CAMSAP2: variants seen among roughly 807,000 people sequenced by gnomAD.
CAMSAP2 encodes calmodulin-regulated spectrin-associated protein 2.
Under a neutral mutation model 146.1 loss-of-function variants are expected in CAMSAP2, and 26 were observed. The observed-to-expected ratio is 0.18, with a 90% confidence interval of 0.13 to 0.25. CAMSAP2 has a LOEUF of 0.25. CAMSAP2 is among the 10% of genes least tolerant of loss of function. CAMSAP2 has a pLI of 1.00. For missense variants in CAMSAP2, 1,381 were observed against 1,759.3 expected (o/e 0.78, Z 3.85); for synonymous variants, 499 against 596.6 (o/e 0.84, Z 2.38).
chr1:200,850,388 A>C (rs1667590232), intron 11 of CAMSAP2, among the ~76,000 whole-genome samples, 154 bp downstream of exon 11: 1 of 152,086 alleles, frequency 6.6e-6, no homozygotes, highest in South Asian at 2.1e-4. Context: ...ATTCAAGCAC[A>C]CTGTGGTTTC....
chr1:200,816,305 A>G (rs1386027331), intron 4 of CAMSAP2, among the ~76,000 whole-genome samples: 2 of 146,530 alleles, frequency 1.4e-5, no homozygotes, highest in Non-Finnish European at 3.0e-5. Context: ...AAAAATATAT[A>G]TATAGGGCCA....
intron 7 of CAMSAP2, among the ~76,000 whole-genome samples, chr1:200,842,730 C>T (rs1483718922): frequency 2.0e-5 from 3 of 152,122 alleles, no homozygotes; most frequent in African/African-American, 7.2e-5. Context: ...AATCCTAGCA[C>T]TTTGAGAGGC....
chr1:200,857,674 CATAATT>C lies in CAMSAP2; in HGVS notation c.4132-76_4132-71del. The C allele has an allele frequency of 8.2e-7, 1 of 1,218,526 alleles. No homozygotes were observed. The highest frequency in any genetic ancestry group is 1.1e-6 in the Non-Finnish European group (1 of 874,712). The allele number at this position is 1,218,526 out of a possible 1,614,324, so 75.5% of individuals were successfully genotyped here. ...TATAAAATGTGACTAAGAAACGTAA[CATAATT>C]ATATAAACTTTATTCAGCAAAATAA... On this transcript the variant is annotated intron_variant, in intron 16 of 16. Coordinates refer to ENST00000358823, the MANE Select transcript of CAMSAP2 (RefSeq NM_203459.4). This position sits in a 1 kb window ranked among gnomAD's most constrained non-coding sequence, Gnocchi z 4.7.
intron 1 of CAMSAP2, among the ~76,000 whole-genome samples, chr1:200,742,192 A>T (rs990967496): frequency 6.6e-6 from 1 of 152,198 alleles, no homozygotes; most frequent in Non-Finnish European, 1.5e-5. Flanking sequence ...TTTGCTTATT[A>T]CTCTATACCG....
At chr1:200,766,352 T>A (rs191086082) in intron 2 of CAMSAP2, among the ~76,000 whole-genome samples, 1 of 152,218 alleles carries the variant, frequency 6.6e-6, no homozygotes, top group East Asian at 1.9e-4. Flanking sequence ...GGTCTCCCTA[T>A]GTTGCCCAGG....
chr1:200,790,019 T>TA (rs1292342358), intron 2 of CAMSAP2, among the ~76,000 whole-genome samples: 1 of 152,220 alleles, frequency 6.6e-6, no homozygotes, highest in African/African-American at 2.4e-5. Flanking sequence ...CTTGCTATAA[T>TA]ATGGTGGTAA....
Position 200,849,203 on chromosome 1 carries a change from A to C in CAMSAP2, c.2434A>C (p.Lys812Gln). The stretch of plus-strand genomic sequence containing the variant: ...GGAAGCGGCGGGTGCAGAAGATGAG[A>C]AAGTATATACTGATCGAGCAAAAGA... Reference protein sequence around the residue: ...REEAAGAEDEKVYTDRAKEKE... With the variant: ...REEAAGAEDEQVYTDRAKEKE... The change falls in exon 11 of 17, where the codon AAA (lysine) becomes CAA (glutamine). Residue 812 changes from lysine to glutamine, a missense_variant. Lys to Gln is a moderately conservative substitution (Grantham distance 53, BLOSUM62 1). Transcript: ENST00000358823. The surrounding 1 kb of genome is among the most constrained non-coding windows in gnomAD (Gnocchi z 6.3). 1 of 1,613,774 alleles carries C rather than the reference A, an allele frequency of 6.2e-7. No homozygotes were observed. The highest frequency in any genetic ancestry group is 1.1e-5 in the South Asian group (1 of 91,072).
At chr1:200,825,892 A>G (rs569309553) in intron 4 of CAMSAP2, among the ~76,000 whole-genome samples, 10 of 152,238 alleles carry the variant, frequency 6.6e-5, no homozygotes, top group Admixed American at 2.0e-4. Context: ...TAGGCATTTA[A>G]GTAGTTTCCA....
At chr1:200,782,294 C>T (rs1165677390) in intron 2 of CAMSAP2, among the ~76,000 whole-genome samples, 1 of 152,106 alleles carries the variant, frequency 6.6e-6, no homozygotes, top group Non-Finnish European at 1.5e-5. Context: ...TCAGAACTTA[C>T]TTTTTAAAAA....
At chr1:200,786,191 CTCT>C (rs1665584059) in intron 2 of CAMSAP2, among the ~76,000 whole-genome samples, 1 of 151,970 alleles carries the variant, frequency 6.6e-6, no homozygotes, top group African/African-American at 2.4e-5. Flanking sequence ...TAAAAACCAG[CTCT>C]TTGTTTCAGT....
At chr1:200,837,272 T>A (rs1379592933) in intron 6 of CAMSAP2, among the ~76,000 whole-genome samples, 2 of 152,188 alleles carry the variant, frequency 1.3e-5, no homozygotes, top group African/African-American at 2.4e-5. Context: ...TTTTATATAG[T>A]GTAAGGAAAG....
chr1:200,851,346 A>T (rs537640636), intron 11 of CAMSAP2, among the ~76,000 whole-genome samples: 6 of 152,196 alleles, frequency 3.9e-5, no homozygotes, highest in Non-Finnish European at 1.5e-5. Context: ...TATTACAGGC[A>T]TGCACCACAA....
At chr1:200,777,749 A>G (rs1665321712) in intron 2 of CAMSAP2, among the ~76,000 whole-genome samples, 1 of 152,208 alleles carries the variant, frequency 6.6e-6, no homozygotes, top group Non-Finnish European at 1.5e-5. Context: ...TATATTCTGT[A>G]ATATAATCTA....
intron 4 of CAMSAP2, among the ~76,000 whole-genome samples, chr1:200,829,869 G>C (rs1467860416): frequency 6.6e-6 from 1 of 152,102 alleles, no homozygotes; most frequent in African/African-American, 2.4e-5. Flanking sequence ...CGAGGCTGCA[G>C]TGAGCCATGA....
At position 200,807,489 on chromosome 1, in the gene CAMSAP2, A is replaced by G. The variant is rs1205843710; in HGVS notation, c.513A>G (p.Thr171=). Residue 171 remains threonine, a synonymous_variant, in exon 3 of 17, where the codon ACA becomes ACG. Coordinates refer to ENST00000358823, the MANE Select transcript of CAMSAP2 (RefSeq NM_203459.4). ...AQQYSAFFQA[T]DLPYDIEDAV... ...AGTATTCAGCTTTTTTTCAAGCCAC[A>G]GATCTGCCCTATGATATTGAGGACG... 6.2e-7 allele frequency: 1 copy of G among 1,612,590 alleles called. No individual in the cohort carries two copies. Among genetic ancestry groups the G allele is most frequent in the African/African-American group, 1.3e-5 (1 of 74,854 alleles).
At chr1:200,803,231 T>G (rs945461632) in intron 2 of CAMSAP2, among the ~76,000 whole-genome samples, 15 of 152,224 alleles carry the variant, frequency 9.9e-5, no homozygotes, top group African/African-American at 3.4e-4. Flanking sequence ...CACTGCCTCC[T>G]TGCTGTGTAA....
At chr1:200,745,055 A>G (rs1295320747) in intron 1 of CAMSAP2, among the ~76,000 whole-genome samples, 2 of 152,192 alleles carry the variant, frequency 1.3e-5, no homozygotes, top group Admixed American at 1.3e-4. Flanking sequence ...AGCGTTTTAT[A>G]TGCATTATTT....
Position 200,848,764 on chromosome 1 carries a change from A to G in CAMSAP2, c.1995A>G (p.Pro665=). The change falls in exon 11 of 17, where the codon CCA becomes CCG. Residue 665 remains proline, a synonymous_variant. Transcript: ENST00000358823. ...CCAGGGAAGCTTTGAGTCCTTGTCC[A>G]AGTACTGTAAGTACCAAGTCTCAGC... is the stretch of plus-strand genomic sequence containing the variant. ...GNTREALSPC[P]STVSTKSQPG... The G allele has an allele frequency of 6.2e-7, 1 of 1,614,194 alleles. No individual in the cohort carries two copies. The highest frequency in any genetic ancestry group is 1.1e-5 in the South Asian group (1 of 91,084).
chr1:200,740,071 G>A lies in CAMSAP2; in HGVS notation c.139+105G>A, dbSNP rs555660640. On this transcript the variant is annotated intron_variant, in intron 1 of 16. Transcript: ENST00000358823. Reference sequence around the variant, plus strand: ...CCTCCCTCCCCGTGCCTGTCTTCTCGTACAGGTTAAGGGAGATGATGGGAG... The same window carrying A: ...CCTCCCTCCCCGTGCCTGTCTTCTCATACAGGTTAAGGGAGATGATGGGAG... The A allele has an allele frequency of 5.3e-6, 7 of 1,318,756 alleles. No individual in the cohort carries two copies. In the Admixed American group the frequency reaches 9.0e-5, roughly 17 times the overall value. The allele number at this position is 1,318,756 out of a possible 1,614,324, so 81.7% of individuals were successfully genotyped here. A position where few individuals can be genotyped will look rare whatever the true frequency, so the allele number is the denominator to read the frequency against.
Sources: gnomAD v4.1 joint callset for allele counts (sites outside exome capture counted in the v4.1 genomes callset) on GRCh38, gnomAD v4.1.1 for gene constraint, Gnocchi (gnomAD v3.1) non-coding constraint, MANE v1.5 for transcripts, NCBI Gene and HGNC (gene_info 2026-07-23, HGNC 2026-07-21) for gene names.